Variants in SFRP1 observed in about 807,000 individuals in gnomAD.
SFRP1 encodes the protein secreted frizzled-related protein 1.
A neutral mutation model predicts 25.9 loss-of-function variants in SFRP1; 9 were observed. The observed-to-expected ratio is 0.35, with a 90% CI of 0.21 to 0.61. SFRP1 has a LOEUF of 0.61. Among genes scored for constraint, SFRP1 ranks in the 20% least tolerant of loss-of-function variants. The pLI, the probability that SFRP1 is intolerant of heterozygous loss-of-function variation, is 0.78. For missense variants in SFRP1, 346 were observed against 418.2 expected (o/e 0.83, Z 1.51); for synonymous variants, 178 against 174.0 (o/e 1.02, Z -0.18).
chr8:41,292,363 T>A (rs770131984), intron 2 of SFRP1, among the ~76,000 whole-genome samples: 2 of 152,140 alleles, frequency 1.3e-5, no homozygotes, highest in Non-Finnish European at 2.9e-5. Flanking sequence ...GTTTCCCCCA[T>A]GCTGTTCTCA....
chr8:41,307,318 A>G (rs1804010415), intron 1 of SFRP1, among the ~76,000 whole-genome samples: 1 of 152,226 alleles, frequency 6.6e-6, no homozygotes, highest in African/African-American at 2.4e-5. Flanking sequence ...CCAGCCATCC[A>G]ACGACAGTCA....
chr8:41,286,707 G>A (rs1417922062), intron 2 of SFRP1, among the ~76,000 whole-genome samples: 1 of 152,154 alleles, frequency 6.6e-6, no homozygotes, highest in Non-Finnish European at 1.5e-5. Context: ...CACTGAAGAG[G>A]GGGTCCACAC....
intron 2 of SFRP1, among the ~76,000 whole-genome samples, chr8:41,276,791 T>C (rs918606851): frequency 6.6e-6 from 1 of 152,222 alleles, no homozygotes; most frequent in Admixed American, 6.5e-5. Flanking sequence ...AATTATTTAA[T>C]TGAAGTTGTC....
rs7815867 is a variant in SFRP1, at chr8:41,267,323, A to C, written c.623-1834T>G. ...AGCAATGACTCCACAGGGGCTGCTG[A>C]TGAAGATAAATGAGCGTGGACATGC... On this transcript the variant is annotated intron_variant, in intron 2 of 2. Transcript: ENST00000220772. 1.0e-3 allele frequency among the ~76,000 whole-genome samples: 155 copies of C among 152,324 alleles called. 1 individual carries two copies. The highest frequency in any genetic ancestry group is 3.6e-3 in the African/African-American group (148 of 41,570).
intron 2 of SFRP1, among the ~76,000 whole-genome samples, chr8:41,268,126 C>T (rs146710163): frequency 1.1e-3 from 174 of 152,318 alleles, no homozygotes; most frequent in Middle Eastern, 3.4e-3. Context: ...GAGAAGTGAG[C>T]CATTGTAAGG....
At chr8:41,287,117 G>A (rs922887330) in intron 2 of SFRP1, among the ~76,000 whole-genome samples, 6 of 152,272 alleles carry the variant, frequency 3.9e-5, no homozygotes, top group East Asian at 1.9e-4. Context: ...CAGTTTCTCC[G>A]GTGCCACACA....
At chr8:41,308,550 T>G (rs1585525091) in intron 1 of SFRP1, 66 bp downstream of exon 1, 4 of 1,327,096 alleles carry the variant, frequency 3.0e-6, no homozygotes, top group Middle Eastern at 4.3e-4. Context: ...GTGGCGCGGG[T>G]TCTCCTGCAG....
chr8:41,297,425 T>C (rs1488629466), intron 2 of SFRP1, among the ~76,000 whole-genome samples: 1 of 152,220 alleles, frequency 6.6e-6, no homozygotes, highest in Non-Finnish European at 1.5e-5. Context: ...GAGAATTAAC[T>C]AGCATATTCC....
chr8:41,281,007 C>T (rs1803628846), intron 2 of SFRP1, among the ~76,000 whole-genome samples: 1 of 152,234 alleles, frequency 6.6e-6, no homozygotes, highest in African/African-American at 2.4e-5. Context: ...TGAAGATAGT[C>T]AACATCCAGG....
At chr8:41,295,176 C>A (rs1271203406) in intron 2 of SFRP1, among the ~76,000 whole-genome samples, 1 of 152,176 alleles carries the variant, frequency 6.6e-6, no homozygotes, top group Non-Finnish European at 1.5e-5. Flanking sequence ...GCCTGGCCAA[C>A]ATGGTGAAAC....
intron 2 of SFRP1, among the ~76,000 whole-genome samples, chr8:41,302,307 A>G (rs907106103): frequency 5.3e-5 from 8 of 152,088 alleles, no homozygotes; most frequent in African/African-American, 1.7e-4. Flanking sequence ...CAATTGCAAT[A>G]CCCTGAGAAT....
At chr8:41,306,877 G>A (rs1027299333) in intron 1 of SFRP1, 1 of 1,595,156 alleles carries the variant, frequency 6.3e-7, no homozygotes, top group African/African-American at 1.3e-5. Context: ...TTGGGGGCTG[G>A]GGTGAGGGAT....
chr8:41,302,860 A>G (rs1157100623), intron 2 of SFRP1, among the ~76,000 whole-genome samples: 7 of 150,608 alleles, frequency 4.6e-5, no homozygotes, highest in African/African-American at 1.7e-4. Context: ...CTTTCGATGG[A>G]GAGTGACTTG....
At chr8:41,266,717 G>T (rs1002110139) in intron 2 of SFRP1, among the ~76,000 whole-genome samples, 1 of 151,858 alleles carries the variant, frequency 6.6e-6, no homozygotes, top group African/African-American at 2.4e-5. Flanking sequence ...GAGTCACCAC[G>T]CCTGACCATG....
At position 41,265,213 on chromosome 8, in the gene SFRP1, T is replaced by A. The variant is rs539940272; in HGVS notation, c.899A>T (p.Lys300Ile). ...KNKEFKNFMK[K>I]MKNHECPTFQ... ...GGTGGGGCACTCATGGTTTTTCATT[T>A]TCTTCATGAAGTTTTTGAACTCCTT... is the stretch of plus-strand genomic sequence containing the variant. The change falls in exon 3 of 3, where the codon AAA becomes ATA. Residue 300 changes from lysine to isoleucine, a missense_variant. Transcript: ENST00000220772. 1 of 1,613,912 alleles carries A rather than the reference T, an allele frequency of 6.2e-7. No individual in the cohort carries two copies. Among genetic ancestry groups the A allele is most frequent in the African/African-American group, 1.3e-5 (1 of 74,992 alleles).
intron 2 of SFRP1, among the ~76,000 whole-genome samples, chr8:41,287,235 C>T (rs1041538467): frequency 6.6e-6 from 1 of 152,212 alleles, no homozygotes; most frequent in Non-Finnish European, 1.5e-5. Context: ...GGCTTGTCCA[C>T]TTGAAGGGGT....
intron 2 of SFRP1, among the ~76,000 whole-genome samples, chr8:41,268,097 G>A (rs1270283728): frequency 1.3e-4 from 20 of 152,290 alleles, no homozygotes; most frequent in African/African-American, 2.6e-4. Flanking sequence ...CTGACAAGGC[G>A]AGCGCCCTCT....
chr8:41,268,599 T>G (rs181288256), intron 2 of SFRP1, among the ~76,000 whole-genome samples: 53 of 152,312 alleles, frequency 3.5e-4, no homozygotes, highest in Non-Finnish European at 7.4e-4. Flanking sequence ...TTTCTTTTTT[T>G]GAGGTGGGGA....
intron 1 of SFRP1, among the ~76,000 whole-genome samples, chr8:41,304,210 G>A (rs1803964166): frequency 2.0e-5 from 3 of 152,178 alleles, no homozygotes; most frequent in Admixed American, 2.0e-4. Flanking sequence ...GCTTTGAAGA[G>A]GAGGTTTGTG....
Sources: allele counts gnomAD v4.1 joint callset (sites outside exome capture counted in the v4.1 genomes callset), GRCh38; gene constraint gnomAD v4.1.1; transcripts MANE v1.5; gene names NCBI Gene and HGNC (gene_info 2026-07-23, HGNC 2026-07-21).